Variants in SLC4A10 observed in about 807,000 individuals in gnomAD.
SLC4A10 encodes sodium-driven chloride bicarbonate exchanger.
SLC4A10 carries 42 observed loss-of-function variants against 137.7 expected under a neutral mutation model. The observed-to-expected ratio is 0.30, with a 90% CI of 0.24 to 0.39. The LOEUF is 0.39. SLC4A10 is among the 10% of genes least tolerant of loss of function. SLC4A10 has a pLI of 1.00. For synonymous variants in SLC4A10, 474 were observed against 464.1 expected (o/e 1.02, Z -0.27); for missense variants, 925 against 1,355.0 (o/e 0.68, Z 4.98).
intron 1 of SLC4A10, among the ~76,000 whole-genome samples, chr2:161,650,652 C>T (rs2036663906): frequency 6.6e-6 from 1 of 152,226 alleles, no homozygotes; most frequent in South Asian, 2.1e-4. Flanking sequence ...TTGACACCTG[C>T]TCTAATTTCG....
chr2:161,715,165 A>G (rs2044713422), intron 1 of SLC4A10, among the ~76,000 whole-genome samples: 1 of 151,968 alleles, frequency 6.6e-6, no homozygotes, highest in African/African-American at 2.4e-5. Flanking sequence ...TGAGTTTCAA[A>G]CCCAGAAAGT....
intron 1 of SLC4A10, among the ~76,000 whole-genome samples, chr2:161,748,048 T>C (rs893859559): frequency 6.6e-6 from 1 of 152,188 alleles, no homozygotes; most frequent in Non-Finnish European, 1.5e-5. Flanking sequence ...TATCTGCTCG[T>C]CATTTTTATG....
intron 1 of SLC4A10, among the ~76,000 whole-genome samples, chr2:161,765,608 C>CAAAA (rs370721653): frequency 8.6e-4 from 80 of 93,134 alleles, no homozygotes; most frequent in South Asian, 1.7e-3. Context: ...GAGCAAGACT[C>CAAAA]AAAAAAAAAA....
intron 1 of SLC4A10, among the ~76,000 whole-genome samples, chr2:161,736,418 G>C (rs1225621753): frequency 6.6e-6 from 1 of 152,106 alleles, no homozygotes; most frequent in Non-Finnish European, 1.5e-5. Context: ...ACACTGCTAT[G>C]GAGAAAAATC....
intron 1 of SLC4A10, among the ~76,000 whole-genome samples, chr2:161,678,210 G>T (rs2040470181): frequency 6.6e-6 from 1 of 152,164 alleles, no homozygotes; most frequent in Non-Finnish European, 1.5e-5. Context: ...AATCTGGGAA[G>T]TTGGGAGGTG....
At chr2:161,807,130 C>T (rs1241170957) in intron 3 of SLC4A10, among the ~76,000 whole-genome samples, 1 of 152,110 alleles carries the variant, frequency 6.6e-6, no homozygotes, top group African/African-American at 2.4e-5. Context: ...GACTTACTCA[C>T]TATCATGAGA....
chr2:161,747,926 C>T (rs1241005731), intron 1 of SLC4A10, among the ~76,000 whole-genome samples: 1 of 152,100 alleles, frequency 6.6e-6, no homozygotes, highest in Admixed American at 6.6e-5. Flanking sequence ...GTGTACAAGG[C>T]TTCTCTTTTC....
chr2:161,824,174 C>T (rs921041563), intron 3 of SLC4A10, among the ~76,000 whole-genome samples: 1 of 152,134 alleles, frequency 6.6e-6, no homozygotes, highest in African/African-American at 2.4e-5. Context: ...GATCTACTTG[C>T]CCCAAAACAC....
intron 21 of SLC4A10, among the ~76,000 whole-genome samples, chr2:161,963,634 T>C (rs1697101949): frequency 6.6e-6 from 1 of 152,104 alleles, no homozygotes; most frequent in African/African-American, 2.4e-5. Flanking sequence ...GATAAGGGTC[T>C]AGAACTCAGG....
chr2:161,625,530 C>T (rs1254534056), intron 1 of SLC4A10, among the ~76,000 whole-genome samples: 1 of 152,064 alleles, frequency 6.6e-6, no homozygotes, highest in Non-Finnish European at 1.5e-5. Flanking sequence ...GACGGAGGGG[C>T]TGTTTCTCAG....
At chr2:161,752,174 T>C (rs1226647520) in intron 1 of SLC4A10, among the ~76,000 whole-genome samples, 1 of 152,026 alleles carries the variant, frequency 6.6e-6, no homozygotes, top group Non-Finnish European at 1.5e-5. Flanking sequence ...TGTTAAGTGC[T>C]GACCTATCTC....
At chr2:161,754,765 G>A (rs530825130) in intron 1 of SLC4A10, among the ~76,000 whole-genome samples, 2 of 152,062 alleles carry the variant, frequency 1.3e-5, no homozygotes, top group African/African-American at 4.8e-5. Flanking sequence ...AGAAAATAAG[G>A]TATATTCTTA....
intron 5 of SLC4A10, 60 bp from the exon 6 acceptor site, chr2:161,862,814 C>T (rs912266368): frequency 9.6e-6 from 13 of 1,356,702 alleles, no homozygotes; most frequent in South Asian, 2.0e-5. Context: ...CAGTGGTTCA[C>T]GGCTGGCACA....
chr2:161,760,686 A>G (rs1559187276), intron 1 of SLC4A10, among the ~76,000 whole-genome samples: 1 of 152,038 alleles, frequency 6.6e-6, no homozygotes, highest in Admixed American at 6.6e-5. Context: ...TGGAGCCTTT[A>G]CTGACATTAT....
At chr2:161,715,347 ATTTGAT>A (rs1225378226) in intron 1 of SLC4A10, among the ~76,000 whole-genome samples, 2 of 152,058 alleles carry the variant, frequency 1.3e-5, no homozygotes, top group Non-Finnish European at 1.5e-5. Flanking sequence ...TGTGACTTTT[ATTTGAT>A]TTTAAGTTCT....
At chr2:161,707,437 G>A (rs1190300517) in intron 1 of SLC4A10, among the ~76,000 whole-genome samples, 2 of 150,830 alleles carry the variant, frequency 1.3e-5, no homozygotes, top group Non-Finnish European at 3.0e-5. Context: ...AATTTTGAAT[G>A]TAGTTGAATT....
chr2:161,709,031 T>A (rs2043997813), intron 1 of SLC4A10, among the ~76,000 whole-genome samples: 1 of 151,534 alleles, frequency 6.6e-6, no homozygotes, highest in South Asian at 2.1e-4. Context: ...TGTGTGTGTA[T>A]GTGTTTAAAT....
chr2:161,703,544 G>T (rs1393105798), intron 1 of SLC4A10, among the ~76,000 whole-genome samples: 3 of 151,446 alleles, frequency 2.0e-5, no homozygotes, highest in Non-Finnish European at 4.4e-5. Context: ...TCTTCTGTTT[G>T]TATAGATATG....
chr2:161,938,746 G>T (rs1299553586), intron 15 of SLC4A10, among the ~76,000 whole-genome samples: 1 of 150,368 alleles, frequency 6.7e-6, no homozygotes, highest in Non-Finnish European at 1.5e-5. Flanking sequence ...ATATAAAAGA[G>T]ATTTTGAGAT....
Sources: gnomAD v4.1 joint callset for allele counts (sites outside exome capture counted in the v4.1 genomes callset) on GRCh38, gnomAD v4.1.1 for gene constraint, MANE v1.5 for transcripts, NCBI Gene and HGNC (gene_info 2026-07-23, HGNC 2026-07-21) for gene names.